WIPF2: variants seen among roughly 807,000 people sequenced by gnomAD.
WIPF2 encodes the protein WAS/WASL-interacting protein family member 2.
WIPF2 carries 23 observed loss-of-function variants against 38.8 expected under a neutral mutation model. The ratio of observed to expected loss-of-function variants is 0.59; its 90% CI spans 0.43 to 0.84. The LOEUF (loss-of-function observed/expected upper bound fraction) is 0.84, where lower values mean the gene tolerates loss of function less well. Among genes scored for constraint, WIPF2 ranks in the 40% least tolerant of loss-of-function variants. The pLI, the probability that WIPF2 is intolerant of heterozygous loss-of-function variation, is 0.00. For missense variants in WIPF2, 574 were observed against 580.5 expected, an observed-to-expected ratio of 0.99 and a Z score of 0.11; for synonymous variants, 210 against 223.2, an observed-to-expected ratio of 0.94 and a Z score of 0.53.
At chr17:40,267,504 C>A (rs973918202) in intron 5 of WIPF2, among the ~76,000 whole-genome samples, 2 of 152,130 alleles carry the variant, frequency 1.3e-5, no homozygotes, top group South Asian at 4.1e-4. Flanking sequence ...TTGAGACATA[C>A]CCTCCACAAA....
chr17:40,228,819 T>A (rs765719648), intron 1 of WIPF2, among the ~76,000 whole-genome samples: 1 of 151,994 alleles, frequency 6.6e-6, no homozygotes, highest in Non-Finnish European at 1.5e-5. Context: ...GGTCTCACTT[T>A]GTTGCCTAGG....
intron 5 of WIPF2, among the ~76,000 whole-genome samples, chr17:40,268,414 T>C (rs1343673310): frequency 6.6e-6 from 1 of 152,202 alleles, no homozygotes; most frequent in Non-Finnish European, 1.5e-5. Flanking sequence ...AGACTCTTTG[T>C]CTGAGCAAAG....
intron 5 of WIPF2, among the ~76,000 whole-genome samples, chr17:40,272,539 G>A (rs146973655): frequency 6.6e-5 from 10 of 152,308 alleles, no homozygotes; most frequent in Non-Finnish European, 1.5e-4. Context: ...ATTGATATTA[G>A]AGTAAGTGAC....
Position 40,246,093 on chromosome 17 carries a change from C to CT in WIPF2, c.-69-10282dup, listed in dbSNP as rs552563309. ...GCTTGCTCTTTTAGACAATGCTACT[C>CT]TTTTTTTTTTTTTTTTCCTGAGTCT... On this transcript the variant is annotated intron_variant, in intron 1 of 7. Transcript: ENST00000323571. Among the ~76,000 whole-genome samples, 903 of 140,350 alleles carry CT rather than the reference C, an allele frequency of 6.4e-3. 8 individuals are homozygous for CT. The highest frequency in any genetic ancestry group is 0.026 in the East Asian group (124 of 4,820). 92.1% of individuals were successfully genotyped at this position (140,350 alleles called of 152,430 possible).
At chr17:40,264,326 CAAAAAAAAAAAAAAAAAA>C (rs772320240) in intron 4 of WIPF2, among the ~76,000 whole-genome samples, 146 bp from the exon 5 acceptor site, 1 of 23,966 alleles carries the variant, frequency 4.2e-5, no homozygotes, top group Non-Finnish European at 8.7e-5. Context: ...AACTTCGTCT[CAAAAAAAAAAAAAAAAAA>C]AAAAAAAAAG....
intron 2 of WIPF2, among the ~76,000 whole-genome samples, chr17:40,257,311 T>C (rs750444058): frequency 6.6e-6 from 1 of 152,110 alleles, no homozygotes; most frequent in Non-Finnish European, 1.5e-5. Flanking sequence ...TGCTACCACT[T>C]CATCATCTCT....
chr17:40,245,129 T>C (rs1410342778), intron 1 of WIPF2, among the ~76,000 whole-genome samples: 2 of 152,098 alleles, frequency 1.3e-5, no homozygotes, highest in African/African-American at 4.8e-5. Flanking sequence ...AAAAAATAAA[T>C]AAGTAAAACA....
chr17:40,260,613 A>C lies in WIPF2; in HGVS notation c.142A>C (p.Thr48Pro). The C allele has an allele frequency of 6.2e-7, 1 of 1,613,832 alleles. No homozygotes were observed. Among genetic ancestry groups the C allele is most frequent in the Non-Finnish European group, 8.5e-7 (1 of 1,179,998 alleles). Reference protein sequence around the residue: ...GALLQDICKGTKLKKVTNIND... With the variant: ...GALLQDICKGPKLKKVTNIND... ...CCTCTTACAGGACATTTGCAAAGGG[A>C]CCAAGCTGAAGAAGGTGACCAACAT... The change falls in exon 3 of 8, where the codon ACC becomes CCC. Residue 48 changes from threonine (T) to proline (P), a missense_variant. Coordinates refer to ENST00000323571, the MANE Select transcript of WIPF2 (RefSeq NM_133264.5).
Position 40,281,005 on chromosome 17 carries a change from C to T in WIPF2, c.*2780C>T, listed in dbSNP as rs1003931499. ...ATGGGAATGTGATCTGCATAGTTAT[C>T]AGTCTATTTTGTATGTTGTAAAAAG... On this transcript the variant is annotated 3_prime_UTR_variant, in exon 8 of 8. Coordinates refer to ENST00000323571, the MANE Select transcript of WIPF2 (RefSeq NM_133264.5). The T allele has an allele frequency of 1.3e-5, 2 of 152,592 alleles. No individual in the cohort carries two copies. The highest frequency in any genetic ancestry group is 2.9e-5 in the Non-Finnish European group (2 of 68,036). The allele number at this position is 152,592 out of a possible 1,614,324, so 9.5% of individuals were successfully genotyped here.
At chr17:40,271,611 A>G (rs978408048) in intron 5 of WIPF2, among the ~76,000 whole-genome samples, 3 of 152,230 alleles carry the variant, frequency 2.0e-5, no homozygotes, top group African/African-American at 7.2e-5. Flanking sequence ...ACTGGGAGTT[A>G]CGAAAAGCAG....
At chr17:40,274,233 A>G (rs1010740014) in intron 6 of WIPF2, among the ~76,000 whole-genome samples, 1 of 152,166 alleles carries the variant, frequency 6.6e-6, no homozygotes, top group Non-Finnish European at 1.5e-5. Context: ...AAAATCAGCA[A>G]GTGTTGTGCT....
At chr17:40,224,631 G>C (rs2030405464) in intron 1 of WIPF2, among the ~76,000 whole-genome samples, 2 of 151,698 alleles carry the variant, frequency 1.3e-5, no homozygotes, top group African/African-American at 4.8e-5. Context: ...GTCCTATGTA[G>C]AAAGTGGCAA....
At chr17:40,269,656 G>A (rs559445673) in intron 5 of WIPF2, among the ~76,000 whole-genome samples, 34 of 136,628 alleles carry the variant, frequency 2.5e-4, no homozygotes, top group Non-Finnish European at 4.7e-4. Context: ...CCAGGCTGGA[G>A]TGCAGTGGCG....
intron 5 of WIPF2, among the ~76,000 whole-genome samples, chr17:40,270,532 G>T (rs1439939062): frequency 2.6e-5 from 4 of 152,130 alleles, no homozygotes; most frequent in African/African-American, 9.7e-5. Context: ...GCTGTCACCT[G>T]CCTGGTGTCT....
At chr17:40,255,684 A>G (rs1301568808) in intron 1 of WIPF2, among the ~76,000 whole-genome samples, 1 of 134,026 alleles carries the variant, frequency 7.5e-6, no homozygotes, top group Non-Finnish European at 1.6e-5. Flanking sequence ...GCTGGAGTGC[A>G]GTGGCACCAT....
At chr17:40,245,050 G>C (rs1430147754) in intron 1 of WIPF2, among the ~76,000 whole-genome samples, 1 of 152,162 alleles carries the variant, frequency 6.6e-6, no homozygotes, top group Non-Finnish European at 1.5e-5. Flanking sequence ...GGAGGCTGAG[G>C]CTGGAGGATT....
chr17:40,223,681 C>G (rs2030351982), intron 1 of WIPF2, among the ~76,000 whole-genome samples: 1 of 147,588 alleles, frequency 6.8e-6, no homozygotes, highest in African/African-American at 2.5e-5. Flanking sequence ...CTCACTGCAA[C>G]CTCCACCTCC....
intron 3 of WIPF2, 79 bp downstream of exon 3, chr17:40,260,746 A>G: frequency 6.3e-7 from 1 of 1,594,078 alleles, no homozygotes; most frequent in Non-Finnish European, 8.6e-7. Context: ...TCTTATTTTT[A>G]TTGGGCCTTG....
chr17:40,248,857 A>C (rs2031463010), intron 1 of WIPF2, among the ~76,000 whole-genome samples: 1 of 152,178 alleles, frequency 6.6e-6, no homozygotes, highest in Non-Finnish European at 1.5e-5. Context: ...GTTTATTAGG[A>C]TATTAAGTAA....
Sources: gnomAD v4.1 joint callset for allele counts (sites outside exome capture counted in the v4.1 genomes callset) on GRCh38, gnomAD v4.1.1 for gene constraint, MANE v1.5 for transcripts, NCBI Gene and HGNC (gene_info 2026-07-23, HGNC 2026-07-21) for gene names.